The following SPA17 variants were observed in gnomAD, a reference collection of about 807,000 sequenced individuals.
SPA17 encodes the protein sperm surface protein Sp17.
SPA17 carries 7 observed loss-of-function variants against 13.8 expected under a neutral mutation model. That is an observed-to-expected ratio of 0.51 (90% CI 0.29 to 0.95). SPA17 has a LOEUF of 0.95. SPA17 is among the 40% of genes least tolerant of loss of function. The probability of loss-of-function intolerance (pLI) is 0.08; values close to 1 mark genes in which losing one functional copy is unlikely to be tolerated. For synonymous variants in SPA17, 61 were observed against 59.0 expected (o/e 1.03, Z -0.16); for missense variants, 170 against 179.3 (o/e 0.95, Z 0.30).
At chr11:124,681,334 C>G (rs955910699) in intron 2 of SPA17, 55 bp from the exon 3 acceptor site, 1 of 1,403,310 alleles carries the variant, frequency 7.1e-7, no homozygotes, top group Non-Finnish European at 9.8e-7. Context: ...CACTATTCTA[C>G]ATTTACCTTA....
intron 2 of SPA17, among the ~76,000 whole-genome samples, chr11:124,678,623 C>G (rs1043859167): frequency 6.2e-4 from 94 of 152,112 alleles, no homozygotes; most frequent in African/African-American, 2.2e-3. Flanking sequence ...GTAATCGTGG[C>G]TCCACTGCAA....
At chr11:124,692,602 A>G (rs1313378447) in intron 4 of SPA17, among the ~76,000 whole-genome samples, 1 of 152,114 alleles carries the variant, frequency 6.6e-6, no homozygotes, top group Non-Finnish European at 1.5e-5. Flanking sequence ...AAAAAGACAT[A>G]GCGAAGTCCA....
chr11:124,683,785 A>G (rs1012997518), intron 3 of SPA17, among the ~76,000 whole-genome samples: 1 of 152,178 alleles, frequency 6.6e-6, no homozygotes, highest in African/African-American at 2.4e-5. Context: ...GGATATAACA[A>G]TTGTAAATAT....
At chr11:124,684,195 C>T (rs1167404974) in intron 3 of SPA17, among the ~76,000 whole-genome samples, 1 of 152,140 alleles carries the variant, frequency 6.6e-6, no homozygotes, top group Non-Finnish European at 1.5e-5. Flanking sequence ...ATCAATTAAA[C>T]CTCTTTTCTT....
At chr11:124,678,048 G>T (rs543772181) in intron 2 of SPA17, among the ~76,000 whole-genome samples, 1 of 152,126 alleles carries the variant, frequency 6.6e-6, no homozygotes, top group East Asian at 2.0e-4. Context: ...TAACTTCCAG[G>T]AGGGGAACTT....
intron 2 of SPA17, among the ~76,000 whole-genome samples, chr11:124,680,361 G>C (rs796821984): frequency 3.5e-4 from 54 of 152,252 alleles, no homozygotes; most frequent in African/African-American, 1.1e-3. Flanking sequence ...AAATTCAAAG[G>C]CTGAAGAACT....
intron 4 of SPA17, 51 bp from the exon 5 acceptor site, chr11:124,694,252 A>G: frequency 6.3e-7 from 1 of 1,577,314 alleles, no homozygotes; most frequent in South Asian, 1.2e-5. Flanking sequence ...TTGTGGCATC[A>G]AAACTACGCC....
intron 3 of SPA17, among the ~76,000 whole-genome samples, chr11:124,684,230 T>C (rs1004352131): frequency 3.9e-5 from 6 of 152,182 alleles, no homozygotes; most frequent in Non-Finnish European, 7.3e-5. Flanking sequence ...TCTCAGGTAT[T>C]TCTTCATAGC....
chr11:124,689,580 G>A (rs1943606215), intron 3 of SPA17, among the ~76,000 whole-genome samples: 1 of 152,094 alleles, frequency 6.6e-6, no homozygotes, highest in African/African-American at 2.4e-5. Context: ...GAGCCCAGGA[G>A]CTTGACATTA....
chr11:124,693,758 A>AT (rs1039768458), intron 4 of SPA17, among the ~76,000 whole-genome samples: 1 of 152,098 alleles, frequency 6.6e-6, no homozygotes, highest in Admixed American at 6.5e-5. Flanking sequence ...TTTATACCCA[A>AT]TTTTTTTAAA....
chr11:124,683,937 A>C (rs1208383200), intron 3 of SPA17, among the ~76,000 whole-genome samples: 1 of 152,200 alleles, frequency 6.6e-6, no homozygotes, highest in African/African-American at 2.4e-5. Context: ...ACAGAAAATC[A>C]ACAAAGTAAC....
At position 124,675,496 on chromosome 11, in the gene SPA17, C is replaced by G; in HGVS notation, c.154+78C>G. On this transcript the variant is annotated intron_variant, in intron 2 of 4. Coordinates refer to ENST00000227135, the MANE Select transcript of SPA17 (RefSeq NM_017425.4). Reference sequence around the variant, plus strand: ...TATGGTAAAACTTGCTTAAGACCATCTCCATTCTGCAGAAAGCCTTTTATG... The same window carrying G: ...TATGGTAAAACTTGCTTAAGACCATGTCCATTCTGCAGAAAGCCTTTTATG... 6 of 1,496,040 alleles carry G rather than the reference C, an allele frequency of 4.0e-6. No individual in the cohort carries two copies. In the South Asian group the frequency reaches 7.8e-5, roughly 20 times the overall value. 92.7% of individuals were successfully genotyped at this position (1,496,040 alleles called of 1,614,324 possible).
intron 3 of SPA17, among the ~76,000 whole-genome samples, chr11:124,685,311 C>T (rs1249183180): frequency 3.3e-5 from 5 of 152,274 alleles, no homozygotes; most frequent in Non-Finnish European, 7.3e-5. Flanking sequence ...GTGCAAACCC[C>T]AAGCCTTGGC....
chr11:124,686,197 G>GT (rs1291909827), intron 3 of SPA17, among the ~76,000 whole-genome samples: 1 of 117,434 alleles, frequency 8.5e-6, no homozygotes, highest in Non-Finnish European at 1.7e-5. Context: ...GGGTGGGGGG[G>GT]GGGTGGTTTT....
intron 1 of SPA17, 151 bp downstream of exon 1, chr11:124,674,103 G>A (rs1035631966): frequency 3.8e-5 from 9 of 237,134 alleles, no homozygotes; most frequent in Non-Finnish European, 5.9e-5. Context: ...GAAATCCCAG[G>A]TCCTCAACAT....
intron 3 of SPA17, among the ~76,000 whole-genome samples, chr11:124,686,237 C>T (rs962828866): frequency 2.6e-5 from 4 of 151,816 alleles, no homozygotes; most frequent in Non-Finnish European, 5.9e-5. Context: ...TTGCCCCACT[C>T]TCATTCTCTC....
intron 3 of SPA17, among the ~76,000 whole-genome samples, chr11:124,689,564 T>C (rs149009273): frequency 1.1e-4 from 17 of 152,170 alleles, no homozygotes; most frequent in African/African-American, 3.9e-4. Flanking sequence ...GGCAGGAAGA[T>C]TGCTTGAGCC....
rs143304984 is a variant in SPA17 at position 124,678,240 on chromosome 11, A to G, written c.154+2822A>G. Among the ~76,000 whole-genome samples, 235 of 152,094 alleles carry G rather than the reference A, an allele frequency of 1.5e-3. 6 individuals are homozygous for G. In the East Asian group the frequency reaches 0.044, roughly 29 times the overall value. On this transcript the variant is annotated intron_variant, in intron 2 of 4. Coordinates refer to ENST00000227135, the MANE Select transcript of SPA17 (RefSeq NM_017425.4). ...ATAGCTGTTTTCAAAAATGAGAACT[A>G]TCTCTCGATAATACTATGGATGATA...
intron 2 of SPA17, among the ~76,000 whole-genome samples, chr11:124,678,346 T>C (rs1008352170): frequency 6.6e-6 from 1 of 152,116 alleles, no homozygotes; most frequent in Non-Finnish European, 1.5e-5. Flanking sequence ...CATTTTTTTT[T>C]TAAACACAGA....
Sources: gnomAD v4.1 joint callset for allele counts (sites outside exome capture counted in the v4.1 genomes callset) on GRCh38, gnomAD v4.1.1 for gene constraint, MANE v1.5 for transcripts, NCBI Gene and HGNC (gene_info 2026-07-23, HGNC 2026-07-21) for gene names.